FAAH2: variants seen among roughly 807,000 people sequenced by gnomAD.
FAAH2 encodes the protein fatty-acid amide hydrolase 2.
Under a neutral mutation model 36.9 loss-of-function variants are expected in FAAH2, and 60 were observed. The observed-to-expected ratio is 1.63, with a 90% CI of 1.32 to 2.02. The LOEUF is 2.02. FAAH2 is among the 30% of genes most tolerant of loss of function. The probability of loss-of-function intolerance (pLI) is 0.00; values close to 1 mark genes in which losing one functional copy is unlikely to be tolerated. For missense variants in FAAH2, 689 were observed against 397.5 expected, an observed-to-expected ratio of 1.73 and a Z score of -6.23; for synonymous variants, 214 against 143.8, an observed-to-expected ratio of 1.49 and a Z score of -3.49.
At chrX:57,353,838 A>G (rs1007204064) in intron 5 of FAAH2, among the ~76,000 whole-genome samples, 2 of 111,452 alleles carry the variant, frequency 1.8e-5, no homozygotes, top group African/African-American at 6.5e-5. Flanking sequence ...GCCAATATGT[A>G]TATGAAAAAC....
At chrX:57,255,392 A>G in the FAAH2 span, among the ~76,000 whole-genome samples, 3 of 112,181 alleles carry the variant, frequency 2.7e-5, no homozygotes, top group Non-Finnish European at 3.8e-5. Context: ...TCTGATGAGT[A>G]GAAAAAGAGG....
chrX:57,394,030 G>T (rs915405998), intron 7 of FAAH2: 2 of 756,072 alleles, frequency 2.6e-6, no homozygotes, highest in Non-Finnish European at 4.2e-6. Flanking sequence ...AGGTAGCCTT[G>T]TCTGTCTGGG....
chrX:57,243,102 C>A, the FAAH2 span, among the ~76,000 whole-genome samples: 2 of 111,285 alleles, frequency 1.8e-5, no homozygotes, highest in Non-Finnish European at 3.8e-5. Flanking sequence ...CTTGAGTAGG[C>A]GGTTTTCCAA....
At chrX:57,407,491 T>C (rs909479847) in intron 7 of FAAH2, among the ~76,000 whole-genome samples, 3 of 112,143 alleles carry the variant, frequency 2.7e-5, no homozygotes, top group Admixed American at 1.9e-4. Context: ...CTACCTAACC[T>C]GTCCATGGAA....
intron 7 of FAAH2, among the ~76,000 whole-genome samples, chrX:57,413,511 C>A (rs772474440): frequency 2.7e-5 from 3 of 111,411 alleles, no homozygotes; most frequent in Non-Finnish European, 5.7e-5. Context: ...TCAGGTTTGT[C>A]GAAGATCAGA....
chrX:57,396,234 T>C (rs184546170), intron 7 of FAAH2, among the ~76,000 whole-genome samples: 9 of 111,647 alleles, frequency 8.1e-5, no homozygotes, highest in Admixed American at 5.7e-4. Context: ...ATTAATCTAG[T>C]TGGTGGTCTA....
At chrX:57,189,644 G>A in the FAAH2 span, among the ~76,000 whole-genome samples, 11 of 111,417 alleles carry the variant, frequency 9.9e-5, no homozygotes, top group South Asian at 4.2e-3. Context: ...AATCAGGCCC[G>A]TCTTCTGCAG....
chrX:57,328,243 G>A (rs1218300841), intron 3 of FAAH2, among the ~76,000 whole-genome samples: 1 of 111,502 alleles, frequency 9.0e-6, no homozygotes, highest in African/African-American at 3.3e-5. Context: ...GTGTCAGTCT[G>A]CCCCTACTTG....
At position 57,287,167 on chromosome X, in the gene FAAH2, G is replaced by A. The variant is rs1328190648; in HGVS notation, c.192+150G>A. On this transcript the variant is annotated intron_variant, in intron 1 of 10. Coordinates refer to ENST00000374900, the MANE Select transcript of FAAH2 (RefSeq NM_174912.4). The stretch of plus-strand genomic sequence containing the variant: ...ATTGGGGATGAAGGGAGACTTCTGG[G>A]TGTTGTAGTACGTTTATTTTTACCA... 5 of 561,812 alleles carry A rather than the reference G, an allele frequency of 8.9e-6. No individual in the cohort carries two copies. In the South Asian group the frequency reaches 1.5e-4, roughly 17 times the overall value. 46.3% of individuals were successfully genotyped at this position (561,812 alleles called of 1,213,427 possible). A position where few individuals can be genotyped will look rare whatever the true frequency, so the allele number is the denominator to read the frequency against.
chrX:57,419,911 G>T lies in FAAH2; in HGVS notation c.997-12007G>T, dbSNP rs1160676570. Among the ~76,000 whole-genome samples the T allele has an allele frequency of 3.6e-5, 4 of 111,782 alleles. No homozygotes were observed. In the South Asian group the frequency reaches 1.5e-3, roughly 42 times the overall value. Reference sequence around the variant, plus strand: ...GATTTTTGTATAAGGTGTAAGGAAGGGATCCAGTTTCAGCTTTCTCCATAT... The same window carrying T: ...GATTTTTGTATAAGGTGTAAGGAAGTGATCCAGTTTCAGCTTTCTCCATAT... On this transcript the variant is annotated intron_variant, in intron 7 of 10. Coordinates refer to ENST00000374900, the MANE Select transcript of FAAH2 (RefSeq NM_174912.4).
chrX:57,347,721 A>C (rs2053866326), intron 5 of FAAH2, among the ~76,000 whole-genome samples: 1 of 105,557 alleles, frequency 9.5e-6, no homozygotes, highest in Non-Finnish European at 1.9e-5. Flanking sequence ...AACTGTGTTG[A>C]AAGCTGATTA....
the FAAH2 span, among the ~76,000 whole-genome samples, chrX:57,245,090 G>T: frequency 1.8e-5 from 2 of 111,086 alleles, no homozygotes; most frequent in African/African-American, 3.3e-5. Context: ...CCTAGTCGCT[G>T]AAAAAAACAG....
chrX:57,359,140 C>T (rs1330063729), intron 5 of FAAH2, among the ~76,000 whole-genome samples: 4 of 110,600 alleles, frequency 3.6e-5, no homozygotes, highest in Non-Finnish European at 7.6e-5. Flanking sequence ...CTTATTTATT[C>T]TATCTAACTA....
chrX:57,417,592 T>A (rs969893568), intron 7 of FAAH2, among the ~76,000 whole-genome samples: 1 of 112,087 alleles, frequency 8.9e-6, no homozygotes, highest in Non-Finnish European at 1.9e-5. Flanking sequence ...GCCTGTTTCT[T>A]TCCCTGGAAG....
At chrX:57,443,297 G>T (rs544710279) in intron 8 of FAAH2, among the ~76,000 whole-genome samples, 17 of 111,577 alleles carry the variant, frequency 1.5e-4, no homozygotes, top group African/African-American at 4.9e-4. Flanking sequence ...TTTCTTGGAG[G>T]CTTTGTTCAT....
At chrX:57,254,557 A>T in the FAAH2 span, among the ~76,000 whole-genome samples, 1 of 112,103 alleles carries the variant, frequency 8.9e-6, no homozygotes, top group Non-Finnish European at 1.9e-5. Context: ...AAAAGAACAG[A>T]AATCACAACA....
chrX:57,350,001 G>A (rs923206155), intron 5 of FAAH2, among the ~76,000 whole-genome samples: 5 of 110,284 alleles, frequency 4.5e-5, no homozygotes, highest in Non-Finnish European at 9.5e-5. Context: ...TTTAAAAACA[G>A]CAAGAGAAAG....
At chrX:57,256,327 G>T in the FAAH2 span, among the ~76,000 whole-genome samples, 1 of 111,743 alleles carries the variant, frequency 8.9e-6, no homozygotes, top group Non-Finnish European at 1.9e-5. Flanking sequence ...AACCAATATT[G>T]TGAAAATGAC....
chrX:57,440,954 A>C (rs962214401), intron 8 of FAAH2, among the ~76,000 whole-genome samples: 1 of 111,776 alleles, frequency 8.9e-6, no homozygotes, highest in Non-Finnish European at 1.9e-5. Flanking sequence ...GATGAAGCCC[A>C]CTTGATCCTG....
Sources: gnomAD v4.1 joint callset for allele counts (sites outside exome capture counted in the v4.1 genomes callset) on GRCh38, gnomAD v4.1.1 for gene constraint, MANE v1.5 for transcripts, NCBI Gene and HGNC (gene_info 2026-07-23, HGNC 2026-07-21) for gene names.